JAK1: variants seen among roughly 807,000 people sequenced by gnomAD.
JAK1 encodes tyrosine-protein kinase JAK1.
Under a neutral mutation model 136.6 loss-of-function variants are expected in JAK1, and 16 were observed. The observed-to-expected ratio is 0.12, with a 90% CI of 0.08 to 0.18. The LOEUF (loss-of-function observed/expected upper bound fraction) is 0.18. Among genes scored for constraint, JAK1 ranks in the 10% least tolerant of loss-of-function variants. The pLI, the probability that JAK1 is intolerant of heterozygous loss-of-function variation, is 1.00. For synonymous variants in JAK1, 492 were observed against 519.5 expected, an observed-to-expected ratio of 0.95 and a Z score of 0.72; for missense variants, 859 against 1,450.1, an observed-to-expected ratio of 0.59 and a Z score of 6.62.
intron 17 of JAK1, among the ~76,000 whole-genome samples, chr1:64,843,310 A>AT (rs1362871868): frequency 6.6e-6 from 1 of 152,174 alleles, no homozygotes; most frequent in Non-Finnish European, 1.5e-5. Context: ...ACAGGAGCAC[A>AT]TTCCAATTGC....
At chr1:64,939,320 A>G (rs1645846378) in intron 1 of JAK1, among the ~76,000 whole-genome samples, 1 of 152,230 alleles carries the variant, frequency 6.6e-6, no homozygotes, top group African/African-American at 2.4e-5. Context: ...AGCTAGGAAC[A>G]GCAAATGGCA....
intron 1 of JAK1, among the ~76,000 whole-genome samples, chr1:64,914,089 G>A (rs1645350177): frequency 6.6e-6 from 1 of 152,152 alleles, no homozygotes; most frequent in Admixed American, 6.5e-5. Flanking sequence ...GCCAGTGATT[G>A]TTGATTTTGA....
At chr1:64,970,723 C>A (rs1317944889), upstream of JAK1, among the ~76,000 whole-genome samples, 6 of 149,568 alleles carry the variant, frequency 4.0e-5, no homozygotes, top group Non-Finnish European at 8.9e-5. Flanking sequence ...TAGAGCACAC[C>A]ACTGCACTCC....
intron 1 of JAK1, among the ~76,000 whole-genome samples, chr1:64,953,369 T>G (rs780935493): frequency 1.3e-5 from 2 of 152,042 alleles, no homozygotes; most frequent in Non-Finnish European, 2.9e-5. Context: ...GAGCCCAAAG[T>G]CACAGAGCTA....
At chr1:65,000,506 A>C (rs1646745664) in intron 2 of JAK1, among the ~76,000 whole-genome samples, 2 of 152,084 alleles carry the variant, frequency 1.3e-5, no homozygotes, top group South Asian at 4.1e-4. Flanking sequence ...CTCTTAAAAA[A>C]AAAAAAAATA....
At chr1:64,836,342 A>T in intron 22 of JAK1, 127 bp from the exon 23 acceptor site, 1 of 684,396 alleles carries the variant, frequency 1.5e-6, no homozygotes, top group Non-Finnish European at 2.7e-6. Flanking sequence ...ACTGTGTATT[A>T]TATATTTTAC....
At chr1:64,874,773 A>G (rs1268148991) in intron 4 of JAK1, among the ~76,000 whole-genome samples, 1 of 152,182 alleles carries the variant, frequency 6.6e-6, no homozygotes, top group Non-Finnish European at 1.5e-5. Flanking sequence ...CTTTCCCTGC[A>G]AAAAGCTGCT....
At chr1:64,963,809 C>T (rs1646325730) in intron 1 of JAK1, among the ~76,000 whole-genome samples, 1 of 152,140 alleles carries the variant, frequency 6.6e-6, no homozygotes, top group Non-Finnish European at 1.5e-5. Flanking sequence ...CAAAGCAGGA[C>T]TTCTTAACCT....
At chr1:65,053,022 T>A (rs1647355249) in intron 1 of JAK1, among the ~76,000 whole-genome samples, 2 of 121,220 alleles carry the variant, frequency 1.6e-5, no homozygotes, top group African/African-American at 3.6e-5. Flanking sequence ...AGAGCAAGAC[T>A]CTTGTCTCAA....
intron 2 of JAK1, among the ~76,000 whole-genome samples, chr1:65,030,626 G>A (rs567443457): frequency 1.4e-3 from 216 of 151,824 alleles, no homozygotes; most frequent in Non-Finnish European, 2.3e-3. Flanking sequence ...TCCACCTCCC[G>A]GGTTCAAGTG....
chr1:65,042,590 T>C (rs1180340443), intron 2 of JAK1, among the ~76,000 whole-genome samples: 2 of 152,192 alleles, frequency 1.3e-5, no homozygotes, highest in Non-Finnish European at 2.9e-5. Flanking sequence ...CACTGAATTT[T>C]CTCCTTATAA....
intron 2 of JAK1, among the ~76,000 whole-genome samples, chr1:65,005,742 A>G (rs1479466475): frequency 6.6e-6 from 1 of 152,212 alleles, no homozygotes; most frequent in Non-Finnish European, 1.5e-5. Flanking sequence ...CAATTGACCT[A>G]TAGATTTGAT....
At chr1:65,047,714 A>G (rs1046218608) in intron 1 of JAK1, among the ~76,000 whole-genome samples, 1 of 151,498 alleles carries the variant, frequency 6.6e-6, no homozygotes, top group African/African-American at 2.4e-5. Context: ...GCGAGACTTC[A>G]TCTCAAAAAA....
intron 8 of JAK1, 124 bp from the exon 9 acceptor site, chr1:64,860,386 C>T: frequency 1.9e-6 from 1 of 517,542 alleles, no homozygotes; most frequent in Non-Finnish European, 3.3e-6. Flanking sequence ...AAGGGAAAAC[C>T]TTTTCATCAA....
At chr1:64,965,550 G>C (rs1646357573) in intron 1 of JAK1, among the ~76,000 whole-genome samples, 2 of 152,258 alleles carry the variant, frequency 1.3e-5, no homozygotes, top group South Asian at 4.2e-4. Context: ...TTAGTCCTCC[G>C]ATGCTCCCGG....
At chr1:65,063,260 GT>G (rs1462952340) in intron 1 of JAK1, among the ~76,000 whole-genome samples, 1 of 152,170 alleles carries the variant, frequency 6.6e-6, no homozygotes, top group Non-Finnish European at 1.5e-5. Flanking sequence ...GCCACACATT[GT>G]TTTCCGGTAC....
At chr1:65,055,929 C>T (rs1647514683) in intron 1 of JAK1, among the ~76,000 whole-genome samples, 1 of 152,174 alleles carries the variant, frequency 6.6e-6, no homozygotes, top group South Asian at 2.1e-4. Flanking sequence ...AAGTATAAAA[C>T]CCAATGAATT....
intron 1 of JAK1, among the ~76,000 whole-genome samples, chr1:64,949,885 C>G (rs10157929): frequency 0.25 from 38,387 of 151,978 alleles, 6,319 homozygotes; most frequent in East Asian, 0.53. Context: ...ACAGAAATAG[C>G]TTATTCTATC....
intron 22 of JAK1, among the ~76,000 whole-genome samples, chr1:64,836,492 T>A (rs902508459): frequency 1.3e-5 from 2 of 151,892 alleles, no homozygotes; most frequent in Non-Finnish European, 2.9e-5. Flanking sequence ...GCTCTCAGGG[T>A]ATGGGAGGAG....
Sources: gnomAD v4.1 joint callset for allele counts (sites outside exome capture counted in the v4.1 genomes callset) on GRCh38, gnomAD v4.1.1 for gene constraint, MANE v1.5 for transcripts, NCBI Gene and HGNC (gene_info 2026-07-23, HGNC 2026-07-21) for gene names.